AP3B1: variants seen among roughly 807,000 people sequenced by gnomAD.
AP3B1 encodes the protein adaptor related protein complex 3 subunit beta 1.
A neutral mutation model predicts 132.5 loss-of-function variants in AP3B1; 61 were observed. The observed-to-expected ratio is 0.46, with a 90% CI of 0.37 to 0.57. The LOEUF is 0.57. Among genes scored for constraint, AP3B1 ranks in the 20% least tolerant of loss-of-function variants. The pLI is 0.00. For missense variants in AP3B1, 1,120 were observed against 1,289.4 expected (o/e 0.87, Z 2.01); for synonymous variants, 388 against 438.3 (o/e 0.89, Z 1.43).
At chr5:78,217,238 GTCCC>G (rs1746000918) in intron 6 of AP3B1, among the ~76,000 whole-genome samples, 2 of 152,148 alleles carry the variant, frequency 1.3e-5, no homozygotes, top group Admixed American at 1.3e-4. Flanking sequence ...TTGAGTGTTT[GTCCC>G]TCTAGTTGGC....
intron 1 of AP3B1, among the ~76,000 whole-genome samples, chr5:78,291,957 G>A (rs1749541486): frequency 6.6e-6 from 1 of 152,152 alleles, no homozygotes; most frequent in African/African-American, 2.4e-5. Context: ...CAATGGTTCA[G>A]AAGACATAAT....
chr5:78,027,733 C>T (rs552523374), intron 24 of AP3B1, among the ~76,000 whole-genome samples: 20 of 151,996 alleles, frequency 1.3e-4, no homozygotes, highest in African/African-American at 4.6e-4. Context: ...AGGAAAGTTC[C>T]AGGTTTTTTT....
intron 17 of AP3B1, among the ~76,000 whole-genome samples, chr5:78,122,869 G>A (rs925131043): frequency 1.3e-5 from 2 of 152,114 alleles, no homozygotes; most frequent in African/African-American, 4.8e-5. Flanking sequence ...ATGGAACCAA[G>A]AAAGAGTCCG....
At chr5:78,253,218 C>A (rs372041573) in intron 2 of AP3B1, among the ~76,000 whole-genome samples, 1 of 152,192 alleles carries the variant, frequency 6.6e-6, no homozygotes, top group Admixed American at 6.5e-5. Flanking sequence ...ACAACACCCA[C>A]GTTCTTTCAA....
intron 22 of AP3B1, among the ~76,000 whole-genome samples, chr5:78,058,659 T>C (rs1748918549): frequency 6.6e-6 from 1 of 152,220 alleles, no homozygotes; most frequent in African/African-American, 2.4e-5. Flanking sequence ...CAAATTTCTC[T>C]TAATTTCCTT....
At chr5:78,253,518 C>T (rs1270719255) in intron 2 of AP3B1, among the ~76,000 whole-genome samples, 1 of 152,186 alleles carries the variant, frequency 6.6e-6, no homozygotes, top group Non-Finnish European at 1.5e-5. Flanking sequence ...AACATCAAGA[C>T]CATCCAGGAA....
chr5:78,011,640 G>A (rs935799542), intron 26 of AP3B1, among the ~76,000 whole-genome samples: 2 of 152,088 alleles, frequency 1.3e-5, no homozygotes, highest in African/African-American at 4.8e-5. Flanking sequence ...TTCTGTTGCT[G>A]TGTTAGGAAT....
rs182209177 is a variant in AP3B1 at position 78,076,233 on chromosome 5, T to C, written c.2577+13160A>G. On this transcript the variant is annotated intron_variant, in intron 22 of 26. Coordinates refer to ENST00000255194, the MANE Select transcript of AP3B1 (RefSeq NM_003664.5). ...ATTACATACTTTGAGGCAATTTTTC[T>C]TTATTTTCCCAGTCAACTATAAACT... Among the ~76,000 whole-genome samples, 21 of 152,352 alleles carry C rather than the reference T, an allele frequency of 1.4e-4. 1 individual carries two copies. The East Asian group carries it at 3.7e-3, about 27-fold the overall frequency.
intron 15 of AP3B1, among the ~76,000 whole-genome samples, chr5:78,140,334 A>C (rs941834993): frequency 6.6e-6 from 1 of 152,166 alleles, no homozygotes; most frequent in Non-Finnish European, 1.5e-5. Context: ...AAACTGCAAA[A>C]TGTCTTAGTC....
chr5:78,183,880 A>G (rs932788358), intron 7 of AP3B1, among the ~76,000 whole-genome samples: 19 of 150,536 alleles, frequency 1.3e-4, no homozygotes, highest in African/African-American at 4.6e-4. Context: ...AAAAAAAAAA[A>G]AAAAAAAGGC....
At chr5:78,099,679 G>A (rs567387062) in intron 21 of AP3B1, among the ~76,000 whole-genome samples, 6 of 152,162 alleles carry the variant, frequency 3.9e-5, no homozygotes, top group Middle Eastern at 3.4e-3. Context: ...GGTGGATCAC[G>A]AGGTCAGGAA....
chr5:78,223,829 TTCTA>T (rs1746289484), intron 6 of AP3B1, among the ~76,000 whole-genome samples: 1 of 152,206 alleles, frequency 6.6e-6, no homozygotes, highest in Non-Finnish European at 1.5e-5. Context: ...ATTAAGCCAG[TTCTA>T]TCTGATTCAA....
chr5:78,197,203 A>G (rs1459319935), intron 7 of AP3B1, among the ~76,000 whole-genome samples: 3 of 152,182 alleles, frequency 2.0e-5, no homozygotes, highest in Non-Finnish European at 4.4e-5. Context: ...TTAAGAAAGC[A>G]GTGAGTTTAA....
chr5:78,193,766 A>ATC (rs1379149753), intron 7 of AP3B1, among the ~76,000 whole-genome samples: 1 of 98,318 alleles, frequency 1.0e-5, no homozygotes, highest in African/African-American at 3.9e-5. Context: ...ATATATATAT[A>ATC]TATATTTTTT....
rs768736531 is a variant in AP3B1 at position 78,116,155 on chromosome 5, T to A, written c.2048A>T (p.Glu683Val). Residue 683 changes from glutamate to valine, a missense_variant, in exon 18 of 27, where the codon GAG becomes GTG. Physicochemically the swap from Glu to Val is moderately radical, Grantham distance 121. Coordinates refer to ENST00000255194, the MANE Select transcript of AP3B1 (RefSeq NM_003664.5). The stretch of plus-strand genomic sequence containing the variant: ...GTCACTGCTACTATCAGAAGAGTCC[T>A]CCTCTTCCTCAGATTCAGAATAAAA... ...KKFYSESEEE[E>V]DSSDSSSDSE... is the part of the protein sequence containing the mutation. The A allele has an allele frequency of 6.2e-6, 10 of 1,612,788 alleles. No individual in the cohort carries two copies. The highest frequency in any genetic ancestry group is 1.7e-4 in the Middle Eastern group (1 of 6,060).
chr5:78,240,794 A>T, intron 3 of AP3B1, 68 bp downstream of exon 3: 1 of 1,039,536 alleles, frequency 9.6e-7, no homozygotes, highest in Non-Finnish European at 1.5e-6. Flanking sequence ...GTTGCATTAT[A>T]CTACATAAAA....
intron 6 of AP3B1, among the ~76,000 whole-genome samples, chr5:78,223,027 C>CTTTTTTTTTTT (rs1554077324): frequency 2.3e-4 from 30 of 127,800 alleles, no homozygotes; most frequent in African/African-American, 7.5e-4. Context: ...TTGTTTGTTT[C>CTTTTTTTTTTT]TTTTTTTTTT....
chr5:78,113,227 T>G (rs907256133), intron 19 of AP3B1, among the ~76,000 whole-genome samples: 27 of 152,192 alleles, frequency 1.8e-4, no homozygotes, highest in African/African-American at 6.0e-4. Flanking sequence ...TAGACCCAAT[T>G]ACTCAAAATT....
chr5:78,209,331 G>A (rs1745639788), intron 7 of AP3B1, among the ~76,000 whole-genome samples: 1 of 152,094 alleles, frequency 6.6e-6, no homozygotes, highest in Non-Finnish European at 1.5e-5. Context: ...AATCTATTCT[G>A]TCTGAAGCCT....
Sources: allele counts gnomAD v4.1 joint callset (sites outside exome capture counted in the v4.1 genomes callset), GRCh38; gene constraint gnomAD v4.1.1; transcripts MANE v1.5; gene names NCBI Gene and HGNC (gene_info 2026-07-23, HGNC 2026-07-21).